Variants in MTREX observed in about 807,000 individuals in gnomAD.
MTREX encodes exosome RNA helicase MTR4.
MTREX carries 76 observed loss-of-function variants against 135.4 expected under a neutral mutation model. That is an observed-to-expected ratio of 0.56 (90% CI 0.47 to 0.68). The LOEUF is 0.68. Ranked by LOEUF, MTREX falls within the 30% of genes least tolerant of loss-of-function variation. The pLI, the probability that MTREX is intolerant of heterozygous loss-of-function variation, is 0.00. For synonymous variants in MTREX, 404 were observed against 401.6 expected (o/e 1.01, Z -0.07); for missense variants, 920 against 1,262.1 (o/e 0.73, Z 4.11).
intron 19 of MTREX, among the ~76,000 whole-genome samples, chr5:55,391,719 A>G (rs1750570449): frequency 6.6e-6 from 1 of 152,184 alleles, no homozygotes; most frequent in Non-Finnish European, 1.5e-5. Context: ...ATTTTTAGAC[A>G]AAACTTCTCC....
At position 55,405,496 on chromosome 5, in the gene MTREX, C is replaced by G; in HGVS notation, c.2553C>G (p.Leu851=). 2 of 1,613,866 alleles carry G rather than the reference C, an allele frequency of 1.2e-6. No individual in the cohort carries two copies. The highest frequency in any genetic ancestry group is 8.5e-7 in the Non-Finnish European group (1 of 1,179,864). ...GAACAGTCCTACAAATGGATGAACT[C>G]AAATGTCGCAAACGTGTTTTAAGAA... ...KARTVLQMDE[L]KCRKRVLRRL... Residue 851 remains leucine, a synonymous_variant, in exon 22 of 27, where the codon CTC becomes CTG. Transcript: ENST00000230640.
chr5:55,394,450 T>C (rs1033083542), intron 19 of MTREX, among the ~76,000 whole-genome samples: 2 of 152,212 alleles, frequency 1.3e-5, no homozygotes, highest in African/African-American at 2.4e-5. Context: ...AGTTTTTCCA[T>C]GGACCAGTGT....
In MTREX at chr5:55,327,707, T is replaced by C; in HGVS notation, c.340-9T>C. The C allele has an allele frequency of 6.2e-7, 1 of 1,610,078 alleles. No homozygotes were observed. Among genetic ancestry groups the C allele is most frequent in the Non-Finnish European group, 8.5e-7 (1 of 1,177,488 alleles). On this transcript the variant is annotated splice_polypyrimidine_tract_variant and intron_variant, in intron 3 of 26. Transcript: ENST00000230640. ...TGAGGTTTTTTTTTCTTTTTTACTT[T>C]GTTGTCAGGTTGCACTTCCTGCAGA...
intron 11 of MTREX, among the ~76,000 whole-genome samples, chr5:55,349,042 G>A (rs571785577): frequency 1.3e-5 from 2 of 152,108 alleles, no homozygotes; most frequent in East Asian, 3.9e-4. Context: ...TACTATTTTT[G>A]TAAGATAGTA....
In MTREX at chr5:55,410,478, G is replaced by A. The variant is rs559975100; in HGVS notation, c.2646-46G>A. 24 of 1,137,546 alleles carry A rather than the reference G, an allele frequency of 2.1e-5. No individual in the cohort carries two copies. In the South Asian group the frequency reaches 2.9e-4, roughly 14 times the overall value. The allele number at this position is 1,137,546 out of a possible 1,614,324, so 70.5% of individuals were successfully genotyped here. The stretch of plus-strand genomic sequence containing the variant: ...GTTAAGGGCATATGTGTGTGCATGT[G>A]TGTCTTTATATTCTGACATTTTATT... On this transcript the variant is annotated intron_variant, in intron 22 of 26. Coordinates refer to ENST00000230640, the MANE Select transcript of MTREX (RefSeq NM_015360.5).
intron 18 of MTREX, among the ~76,000 whole-genome samples, chr5:55,382,463 T>C (rs1273568461): frequency 6.6e-6 from 1 of 152,172 alleles, no homozygotes; most frequent in African/African-American, 2.4e-5. Flanking sequence ...ATAGAGGTGT[T>C]ATTTCTGTAT....
intron 19 of MTREX, among the ~76,000 whole-genome samples, chr5:55,391,582 T>C (rs960623718): frequency 6.6e-6 from 1 of 152,152 alleles, no homozygotes; most frequent in African/African-American, 2.4e-5. Flanking sequence ...CAAACAGATA[T>C]ACTGGCACAT....
intron 23 of MTREX, among the ~76,000 whole-genome samples, chr5:55,412,209 A>G (rs1424101930): frequency 6.6e-6 from 1 of 152,184 alleles, no homozygotes; most frequent in Non-Finnish European, 1.5e-5. Context: ...TTTTAACAGA[A>G]TGTTTTCTGC....
chr5:55,377,051 C>T (rs537510306), intron 16 of MTREX, among the ~76,000 whole-genome samples: 13 of 151,838 alleles, frequency 8.6e-5, no homozygotes, highest in East Asian at 1.9e-4. Flanking sequence ...AGCTAAAGGC[C>T]GGGCTTGGTG....
chr5:55,391,981 A>G (rs969593000), intron 19 of MTREX, among the ~76,000 whole-genome samples: 14 of 152,074 alleles, frequency 9.2e-5, no homozygotes, highest in African/African-American at 3.1e-4. Flanking sequence ...TTCTCCCACT[A>G]CAAACCTCAG....
Position 55,322,470 on chromosome 5 carries a change from A to G in MTREX, c.272+6A>G. 6.4e-7 allele frequency: 1 copy of G among 1,569,952 alleles called. No homozygotes were observed. Among genetic ancestry groups the G allele is most frequent in the Non-Finnish European group, 8.6e-7 (1 of 1,163,910 alleles). On this transcript the variant is annotated splice_donor_region_variant and intron_variant, in intron 2 of 26. Coordinates refer to ENST00000230640, the MANE Select transcript of MTREX (RefSeq NM_015360.5). Reference sequence around the variant, plus strand: ...TCAATAACTGAAGACTTAAGGTAATATTTCCAAAGTCCTAAATGTTAGTAA... The same window carrying G: ...TCAATAACTGAAGACTTAAGGTAATGTTTCCAAAGTCCTAAATGTTAGTAA...
At position 55,358,666 on chromosome 5, in the gene MTREX, A is replaced by G. The variant is rs1414182306; in HGVS notation, c.1627A>G (p.Met543Val). Residue 543 changes from methionine to valine, a missense_variant, in exon 15 of 27, where the codon ATG becomes GTG. Physicochemically the swap from Met to Val is conservative, Grantham distance 21. Around this residue, in one of 6 missense-constraint regions of MTREX, gnomAD observed 46 missense variants for 116.8 expected, o/e 0.39. Coordinates refer to ENST00000230640, the MANE Select transcript of MTREX (RefSeq NM_015360.5). Reference sequence around the variant, plus strand: ...TGTAATTCTTATGGTAGATGAAAAGATGAGCCCAACAATTGGAAAACAATT... The same window carrying G: ...TGTAATTCTTATGGTAGATGAAAAGGTGAGCCCAACAATTGGAAAACAATT... ...GIVILMVDEK[M>V]SPTIGKQLLK... 1 of 1,602,746 alleles carries G rather than the reference A, an allele frequency of 6.2e-7. No individual in the cohort carries two copies. Among genetic ancestry groups the G allele is most frequent in the Non-Finnish European group, 8.5e-7 (1 of 1,176,950 alleles).
intron 5 of MTREX, among the ~76,000 whole-genome samples, chr5:55,335,588 A>G (rs1046281234): frequency 1.3e-5 from 2 of 152,040 alleles, no homozygotes; most frequent in African/African-American, 2.4e-5. Flanking sequence ...ATTCCCGTAA[A>G]TTACTCGTAA....
intron 11 of MTREX, 78 bp downstream of exon 11, chr5:55,347,222 G>A (rs1047177900): frequency 7.2e-7 from 1 of 1,391,656 alleles, no homozygotes; most frequent in Non-Finnish European, 9.9e-7. Flanking sequence ...ATTTTTATCT[G>A]TTACATATTA....
intron 1 of MTREX, among the ~76,000 whole-genome samples, chr5:55,312,652 A>G (rs1749133340): frequency 6.6e-6 from 1 of 152,150 alleles, no homozygotes; most frequent in African/African-American, 2.4e-5. Context: ...GTATATCAAT[A>G]GTTTGTTTTT....
chr5:55,374,291 AT>A (rs57731408), intron 16 of MTREX, among the ~76,000 whole-genome samples: 18,438 of 138,604 alleles, frequency 0.13, 1,429 homozygotes, highest in East Asian at 0.24. Flanking sequence ...TATATAAACA[AT>A]TTTTTTTTTT....
intron 5 of MTREX, among the ~76,000 whole-genome samples, chr5:55,332,850 T>A (rs1749499388): frequency 6.6e-6 from 1 of 152,212 alleles, no homozygotes; most frequent in Non-Finnish European, 1.5e-5. Context: ...AATTCATGAA[T>A]CCTGGAATAT....
chr5:55,394,473 G>A (rs1750616953), intron 19 of MTREX, among the ~76,000 whole-genome samples: 1 of 152,156 alleles, frequency 6.6e-6, no homozygotes, highest in African/African-American at 2.4e-5. Flanking sequence ...AGCAGGGGTG[G>A]TTTGGGGATG....
chr5:55,356,134 C>G (rs979507336), intron 14 of MTREX, among the ~76,000 whole-genome samples: 3 of 152,190 alleles, frequency 2.0e-5, no homozygotes, highest in African/African-American at 7.2e-5. Context: ...TGGCCCAGGC[C>G]CATGGCAAGG....
Sources: gnomAD v4.1 joint callset for allele counts (sites outside exome capture counted in the v4.1 genomes callset) on GRCh38, gnomAD v4.1.1 for gene constraint, gnomAD v4.1.1 regional missense constraint, MANE v1.5 for transcripts, NCBI Gene and HGNC (gene_info 2026-07-23, HGNC 2026-07-21) for gene names.